Variants in FAM131C observed in about 807,000 individuals in gnomAD.
FAM131C encodes protein FAM131C.
FAM131C carries 14 observed loss-of-function variants against 29.8 expected under a neutral mutation model. That is an observed-to-expected ratio of 0.47 (90% CI 0.31 to 0.73). The LOEUF is 0.73. Ranked by LOEUF, FAM131C falls within the 30% of genes least tolerant of loss-of-function variation. FAM131C has a pLI of 0.05. For synonymous variants in FAM131C, 86 were observed against 157.8 expected (o/e 0.54, Z 3.41); for missense variants, 252 against 383.8 (o/e 0.66, Z 2.87).
Position 16,059,504 on chromosome 1 carries a change from G to A in FAM131C, c.552C>T (p.Val184=). The change falls in exon 6 of 7, where the codon GTC becomes GTT. Residue 184 remains valine, a synonymous_variant. Transcript: ENST00000375662. ...CCCTCTGGGCTGTACCTTGGAGCTG[G>A]ACGATGCCTTGGGGGCTGTTCTCGG... ...LHPENSPQGI[V]QLQDLESIYL... 6.2e-7 allele frequency: 1 copy of A among 1,610,950 alleles called. No individual in the cohort carries two copies. The highest frequency in any genetic ancestry group is 8.5e-7 in the Non-Finnish European group (1 of 1,178,618).
chr1:16,072,904 C>G (rs2023767491), intron 1 of FAM131C, among the ~76,000 whole-genome samples: 1 of 152,038 alleles, frequency 6.6e-6, no homozygotes, highest in Non-Finnish European at 1.5e-5. Flanking sequence ...GGGGAACCTT[C>G]TTTATAACCT....
At chr1:16,071,528 T>C (rs939796517) in intron 1 of FAM131C, among the ~76,000 whole-genome samples, 32 of 152,204 alleles carry the variant, frequency 2.1e-4, no homozygotes, top group Admixed American at 9.8e-4. Context: ...TCTGGGACCC[T>C]GGCTGTCCCC....
At chr1:16,058,952 T>G (rs549814191) in intron 6 of FAM131C, among the ~76,000 whole-genome samples, 8 of 152,354 alleles carry the variant, frequency 5.3e-5, no homozygotes, top group South Asian at 2.1e-4. Context: ...CTCTGAGAAC[T>G]GGGACAACCA....
At position 16,061,658 on chromosome 1, in the gene FAM131C, A is replaced by G. The variant is rs998252855; in HGVS notation, c.268+441T>C. 9.9e-5 allele frequency among the ~76,000 whole-genome samples: 15 copies of G among 152,186 alleles called. 1 individual carries two copies. Among genetic ancestry groups the G allele is most frequent in the Non-Finnish European group, 1.6e-4 (11 of 67,968 alleles). ...AAGCTCCCAGTGGGACCAGGTGGGC[A>G]GGGCTAGACTCCTGCAGAGCCCCTT... On this transcript the variant is annotated intron_variant, in intron 4 of 6. Transcript: ENST00000375662.
chr1:16,061,440 G>C (rs1161920546), intron 4 of FAM131C, among the ~76,000 whole-genome samples: 1 of 152,102 alleles, frequency 6.6e-6, no homozygotes, highest in Non-Finnish European at 1.5e-5. Context: ...CCCATGCCCA[G>C]CTGCTTCAGG....
At chr1:16,058,951 C>A (rs1198179538) in intron 6 of FAM131C, among the ~76,000 whole-genome samples, 1 of 152,228 alleles carries the variant, frequency 6.6e-6, no homozygotes, top group African/African-American at 2.4e-5. Context: ...TCTCTGAGAA[C>A]TGGGACAACC....
rs1434736927 is a variant in FAM131C, at chr1:16,057,956, A to G, written c.*481T>C. On this transcript the variant is annotated 3_prime_UTR_variant, in exon 7 of 7. Coordinates refer to ENST00000375662, the MANE Select transcript of FAM131C (RefSeq NM_182623.3). ...ATGTCCTGGGTGAAGAGAGCCGGGG[A>G]GCAGGTGCTTAGCTACCAGAAGTGG... 6.3e-6 allele frequency: 1 copy of G among 158,784 alleles called. No individual in the cohort carries two copies. The highest frequency in any genetic ancestry group is 1.9e-4 in the East Asian group (1 of 5,328). 9.8% of individuals were successfully genotyped at this position (158,784 alleles called of 1,614,324 possible).
At chr1:16,062,063 T>G in intron 4 of FAM131C, 36 bp downstream of exon 4, 1 of 1,604,810 alleles carries the variant, frequency 6.2e-7, no homozygotes, top group African/African-American at 1.3e-5. Flanking sequence ...GGACCGTGCA[T>G]TCTCCACCGG....
chr1:16,073,499 C>T lies in FAM131C; in HGVS notation c.-57G>A. 1 of 1,106,354 alleles carries T rather than the reference C, an allele frequency of 9.0e-7. No individual in the cohort carries two copies. Among genetic ancestry groups the T allele is most frequent in the Non-Finnish European group, 1.1e-6 (1 of 885,856 alleles). 68.5% of individuals were successfully genotyped at this position (1,106,354 alleles called of 1,614,324 possible). ...GGGGTGCGTGGGGCCGCGGGGCGTT[C>T]ATGTCTCCGCGGGCCCGGGGCTGAG... On this transcript the variant is annotated 5_prime_UTR_variant, in exon 1 of 7. The change abolishes an upstream ATG in the 5' untranslated region. Transcript: ENST00000375662.
At chr1:16,065,022 C>G in intron 1 of FAM131C, among the ~76,000 whole-genome samples, 1 of 152,180 alleles carries the variant, frequency 6.6e-6, no homozygotes, top group East Asian at 1.9e-4. Flanking sequence ...TGTCCTGGCC[C>G]TTCTCCACCC....
rs41269179 is a variant in FAM131C, at chr1:16,063,512, G to C, written c.138+9C>G. 0.033 allele frequency: 52,473 copies of C among 1,605,406 alleles called. 1,013 individuals carry two copies. The highest frequency in any genetic ancestry group is 0.064 in the African/African-American group (4,767 of 74,828). ...GCAGGTAGCACAGGGATGAGGAGCAGCCAGTTACCTTGCCAATGACACAGT... is the reference window on the plus strand; with the variant it reads ...GCAGGTAGCACAGGGATGAGGAGCACCCAGTTACCTTGCCAATGACACAGT... On this transcript the variant is annotated intron_variant, in intron 2 of 6. Coordinates refer to ENST00000375662, the MANE Select transcript of FAM131C (RefSeq NM_182623.3).
chr1:16,060,224 C>T (rs1366370605), intron 4 of FAM131C, among the ~76,000 whole-genome samples, 173 bp from the exon 5 acceptor site: 3 of 119,452 alleles, frequency 2.5e-5, no homozygotes, highest in Admixed American at 8.6e-5. Flanking sequence ...TAACTCCTCA[C>T]GCCCTCCAAA....
chr1:16,069,374 G>A (rs2124135237), intron 1 of FAM131C, among the ~76,000 whole-genome samples: 1 of 152,320 alleles, frequency 6.6e-6, no homozygotes, highest in Non-Finnish European at 1.5e-5. Context: ...TCAGGACTTG[G>A]AAACTATGGG....
rs1429194069 is a variant in FAM131C, at chr1:16,062,817, T to C, written c.139-283A>G. On this transcript the variant is annotated intron_variant, in intron 2 of 6. Coordinates refer to ENST00000375662, the MANE Select transcript of FAM131C (RefSeq NM_182623.3). ...CATTTCCCAGCTGGTGTCCCTAGAC[T>C]ATTCCTAACAGCTCCGAACACGTCT... 8.5e-5 allele frequency among the ~76,000 whole-genome samples: 13 copies of C among 152,396 alleles called. No homozygotes were observed. The South Asian group carries it at 2.7e-3, about 32-fold the overall frequency.
chr1:16,062,067 C>G (rs372074962), intron 4 of FAM131C, 32 bp downstream of exon 4: 19 of 1,606,250 alleles, frequency 1.2e-5, no homozygotes, highest in Middle Eastern at 2.2e-4. Flanking sequence ...CGTGCATTCT[C>G]CACCGGCAGG....
At chr1:16,063,233 A>T (rs1214490322) in intron 2 of FAM131C, among the ~76,000 whole-genome samples, 1 of 151,550 alleles carries the variant, frequency 6.6e-6, no homozygotes, top group South Asian at 2.1e-4. Flanking sequence ...GCTGCTCAGG[A>T]GTAGCGGGCT....
intron 1 of FAM131C, 38 bp from the exon 2 acceptor site, chr1:16,063,674 C>A: frequency 7.0e-7 from 1 of 1,424,064 alleles, no homozygotes; most frequent in South Asian, 1.2e-5. Flanking sequence ...CAGCAAAGCC[C>A]AGCCCTCTCT....
In FAM131C at chr1:16,059,981, G is replaced by A. The variant is rs1403764026; in HGVS notation, c.339C>T (p.Leu113=). The change falls in exon 5 of 7, where the codon CTC becomes CTT. Residue 113 remains leucine (L), a synonymous_variant. Transcript: ENST00000375662. ...GGGCACTCCAGCCCTTCCACTCGAT[G>A]AGGTGGGCCACGCGGCCTCGGGCCA... is the stretch of plus-strand genomic sequence containing the variant. ...TAMARGRVAH[L]IEWKGWSAQP... The A allele has an allele frequency of 1.9e-6, 3 of 1,568,876 alleles. No homozygotes were observed. Among genetic ancestry groups the A allele is most frequent in the Admixed American group, 3.6e-5 (2 of 56,074 alleles).
At chr1:16,063,101 A>C (rs1475785641) in intron 2 of FAM131C, among the ~76,000 whole-genome samples, 1 of 148,370 alleles carries the variant, frequency 6.7e-6, no homozygotes, top group African/African-American at 2.4e-5. Context: ...ACATATATAA[A>C]ATTTTAATAT....
Sources: gnomAD v4.1 joint callset for allele counts (sites outside exome capture counted in the v4.1 genomes callset) on GRCh38, gnomAD v4.1.1 for gene constraint, MANE v1.5 for transcripts, NCBI Gene and HGNC (gene_info 2026-07-23, HGNC 2026-07-21) for gene names.